The following SLC35F4 variants were observed in gnomAD, a reference collection of about 807,000 sequenced individuals.
The protein encoded by SLC35F4 is solute carrier family 35 member F4.
SLC35F4 carries 24 observed loss-of-function variants against 44.2 expected under a neutral mutation model. That is an observed-to-expected ratio of 0.54 (90% CI 0.39 to 0.76). SLC35F4 has a LOEUF of 0.76. Among genes scored for constraint, SLC35F4 ranks in the 30% least tolerant of loss-of-function variants. SLC35F4 has a pLI of 0.00. For missense variants in SLC35F4, 562 were observed against 586.1 expected (o/e 0.96, Z 0.42); for synonymous variants, 238 against 223.6 (o/e 1.06, Z -0.57).
At chr14:57,958,381 A>T (rs1890279913) in intron 1 of SLC35F4, among the ~76,000 whole-genome samples, 1 of 152,204 alleles carries the variant, frequency 6.6e-6, no homozygotes, top group South Asian at 2.1e-4. Flanking sequence ...TGAAAACATT[A>T]TGCTCAGTGA....
chr14:57,566,391 G>A, intron 7 of SLC35F4, 84 bp downstream of exon 7: 1 of 1,297,206 alleles, frequency 7.7e-7, no homozygotes, highest in Non-Finnish European at 1.1e-6. Context: ...ACAATTTCTA[G>A]AAGGAACAAC....
intron 1 of SLC35F4, among the ~76,000 whole-genome samples, chr14:57,950,681 T>C (rs1055232296): frequency 1.5e-4 from 23 of 149,384 alleles, no homozygotes; most frequent in Admixed American, 4.0e-4. Flanking sequence ...CTTTCTTTTT[T>C]TTTTTTGAGA....
At chr14:57,583,411 A>G (rs1247583976) in intron 3 of SLC35F4, among the ~76,000 whole-genome samples, 1 of 152,144 alleles carries the variant, frequency 6.6e-6, no homozygotes, top group African/African-American at 2.4e-5. Flanking sequence ...CCACAACAAA[A>G]CCCATTCCTG....
rs547067349 is a variant in SLC35F4, at chr14:57,958,216, C to A, written n.282+23697G>T. 5.3e-5 allele frequency among the ~76,000 whole-genome samples: 8 copies of A among 152,220 alleles called. No homozygotes were observed. The South Asian group carries it at 1.7e-3, about 32-fold the overall frequency. ...GGGACTACAGGCGCCCGCCACCACG[C>A]CCGGCTAATTATTTTGTATTTTTAG... On this transcript the variant is annotated intron_variant and non_coding_transcript_variant, in intron 1 of 1. Transcript: ENST00000556568.
At chr14:57,865,041 T>C (rs1310836535) in intron 1 of SLC35F4, among the ~76,000 whole-genome samples, 1 of 147,850 alleles carries the variant, frequency 6.8e-6, no homozygotes, top group Non-Finnish European at 1.5e-5. Context: ...GGTGGCCCTG[T>C]CGCCTCCCCT....
intron 1 of SLC35F4, among the ~76,000 whole-genome samples, chr14:57,796,445 G>A (rs1433003658): frequency 6.6e-6 from 1 of 152,240 alleles, no homozygotes; most frequent in African/African-American, 2.4e-5. Context: ...ATTAAAATTT[G>A]TATACAATCT....
At chr14:57,669,580 T>G (rs2074441476) in intron 1 of SLC35F4, among the ~76,000 whole-genome samples, 1 of 152,118 alleles carries the variant, frequency 6.6e-6, no homozygotes, top group African/African-American at 2.4e-5. Flanking sequence ...CTGCATCTAT[T>G]GAGATAATCA....
At position 57,965,958 on chromosome 14, in the gene SLC35F4, A is replaced by C. The variant is rs2141091392; in HGVS notation, n.282+15955T>G. ...TCTGGGCCAACGAAAAGGACAGAGC[A>C]GGCCTTGACAAAGCATTTGGCAGCA... is the stretch of plus-strand genomic sequence containing the variant. On this transcript the variant is annotated intron_variant and non_coding_transcript_variant, in intron 1 of 1. Coordinates refer to the SLC35F4 transcript ENST00000556568. Among the ~76,000 whole-genome samples, 2 of 152,334 alleles carry C rather than the reference A, an allele frequency of 1.3e-5. 1 individual carries two copies. The highest frequency in any genetic ancestry group is 3.9e-4 in the East Asian group (2 of 5,186).
At chr14:57,839,565 G>A (rs1373629033) in intron 1 of SLC35F4, among the ~76,000 whole-genome samples, 1 of 152,108 alleles carries the variant, frequency 6.6e-6, no homozygotes, top group Non-Finnish European at 1.5e-5. Context: ...GCAGCGGGGA[G>A]TGGGGAGGAA....
chr14:57,864,596 C>T (rs1026036006), intron 1 of SLC35F4, among the ~76,000 whole-genome samples: 1 of 152,096 alleles, frequency 6.6e-6, no homozygotes, highest in African/African-American at 2.4e-5. Flanking sequence ...GTCTTTGTGC[C>T]GGAATTTTTG....
chr14:57,614,598 T>G (rs962684752), intron 1 of SLC35F4, among the ~76,000 whole-genome samples: 8 of 152,174 alleles, frequency 5.3e-5, no homozygotes, highest in Non-Finnish European at 1.0e-4. Flanking sequence ...GAAAAAGAAT[T>G]GGAAGTAAAA....
chr14:57,867,197 C>T (rs920874772), upstream of SLC35F4, among the ~76,000 whole-genome samples: 16 of 152,064 alleles, frequency 1.1e-4, no homozygotes, highest in Non-Finnish European at 2.1e-4. Context: ...CAATGCCCCT[C>T]TCAGAAACCT....
At chr14:57,730,745 C>T (rs930303804) in intron 1 of SLC35F4, among the ~76,000 whole-genome samples, 3 of 152,262 alleles carry the variant, frequency 2.0e-5, no homozygotes, top group Middle Eastern at 3.4e-3. Context: ...TATTTAGATC[C>T]ACATGCTTCT....
At chr14:57,822,300 A>G (rs1341612242) in intron 1 of SLC35F4, among the ~76,000 whole-genome samples, 1 of 152,320 alleles carries the variant, frequency 6.6e-6, no homozygotes, top group East Asian at 1.9e-4. Context: ...CATCAATTAC[A>G]TCATTGTTCT....
chr14:57,598,349 G>A (rs1388076420), intron 1 of SLC35F4, among the ~76,000 whole-genome samples: 2 of 152,330 alleles, frequency 1.3e-5, no homozygotes, highest in African/African-American at 4.8e-5. Context: ...TCTGTCACTA[G>A]CAGAGCGAAC....
chr14:57,801,738 G>A (rs1396665110), intron 1 of SLC35F4, among the ~76,000 whole-genome samples: 1 of 152,026 alleles, frequency 6.6e-6, no homozygotes, highest in South Asian at 2.1e-4. Flanking sequence ...AGGCAAAGAA[G>A]GAAATTACAT....
chr14:57,600,459 A>T (rs11847126), intron 1 of SLC35F4, among the ~76,000 whole-genome samples: 1 of 148,436 alleles, frequency 6.7e-6, no homozygotes, highest in African/African-American at 2.5e-5. Context: ...TTGGGAGGCC[A>T]AGGTGGGCGG....
chr14:57,954,926 A>C (rs1890208835), intron 1 of SLC35F4, among the ~76,000 whole-genome samples: 1 of 144,812 alleles, frequency 6.9e-6, no homozygotes, highest in Non-Finnish European at 1.5e-5. Flanking sequence ...AACACATTTT[A>C]TGAGGCCAGC....
intron 1 of SLC35F4, chr14:57,837,627 T>G (rs1334550614): frequency 6.6e-6 from 1 of 151,970 alleles, no homozygotes; most frequent in East Asian, 1.9e-4. Context: ...ATCAATGAGG[T>G]GACTGATGTC....
Sources: gnomAD v4.1 joint callset for allele counts (sites outside exome capture counted in the v4.1 genomes callset) on GRCh38, gnomAD v4.1.1 for gene constraint, MANE v1.5 for transcripts, NCBI Gene and HGNC (gene_info 2026-07-23, HGNC 2026-07-21) for gene names.